DCAF7: variants seen among roughly 807,000 people sequenced by gnomAD.
DCAF7 encodes DDB1 and CUL4 associated factor 7.
Under a neutral mutation model 41.2 loss-of-function variants are expected in DCAF7, and 4 were observed. The observed-to-expected ratio is 0.10, with a 90% CI of 0.05 to 0.22. The LOEUF is 0.22. DCAF7 is among the 10% of genes least tolerant of loss of function. The pLI, the probability that DCAF7 is intolerant of heterozygous loss-of-function variation, is 1.00. For synonymous variants in DCAF7, 143 were observed against 164.2 expected, an observed-to-expected ratio of 0.87 and a Z score of 0.99; for missense variants, 131 against 443.2, an observed-to-expected ratio of 0.30 and a Z score of 6.32.
intron 1 of DCAF7, among the ~76,000 whole-genome samples, chr17:63,555,621 G>A (rs1445594965): frequency 6.6e-6 from 1 of 152,156 alleles, no homozygotes; most frequent in Non-Finnish European, 1.5e-5. Context: ...GTACACATCA[G>A]TACTTTTGAT....
At chr17:63,556,465 A>G (rs1449200386) in intron 1 of DCAF7, among the ~76,000 whole-genome samples, 1 of 152,200 alleles carries the variant, frequency 6.6e-6, no homozygotes, top group African/African-American at 2.4e-5. Context: ...GCTACTTGGG[A>G]GGCTGAGGCA....
At position 63,579,819 on chromosome 17, in the gene DCAF7, T is replaced by C. The variant is rs1446637452; in HGVS notation, c.410-6T>C. On this transcript the variant is annotated splice_polypyrimidine_tract_variant and splice_region_variant and intron_variant, in intron 3 of 6. Transcript: ENST00000614556. ...GTCAGCCCTGACTTGCACTGGTTGT[T>C]TGCAGGTACCTCAAGCATTGATACG... 6.2e-7 allele frequency: 1 copy of C among 1,612,282 alleles called. No individual in the cohort carries two copies. The highest frequency in any genetic ancestry group is 8.5e-7 in the Non-Finnish European group (1 of 1,178,528).
In DCAF7 at chr17:63,585,076, G is replaced by GA. The variant is rs1324623445; in HGVS notation, c.739-132dup. Reference sequence around the variant, plus strand: ...TGTCTTCTTTTCCCTCAATCCTATGGAAATCCTGTCTCTAGTTCTTTAAAT... The same window carrying GA: ...TGTCTTCTTTTCCCTCAATCCTATGGAAAATCCTGTCTCTAGTTCTTTAAAT... On this transcript the variant is annotated intron_variant, in intron 5 of 6. Transcript: ENST00000614556. 12 of 688,560 alleles carry GA rather than the reference G, an allele frequency of 1.7e-5. No homozygotes were observed. The South Asian group carries it at 2.3e-4, about 13-fold the overall frequency. 42.7% of individuals were successfully genotyped at this position (688,560 alleles called of 1,614,324 possible).
chr17:63,550,558 G>T lies in DCAF7; in HGVS notation c.-120G>T. 5 of 1,469,184 alleles carry T rather than the reference G, an allele frequency of 3.4e-6. No individual in the cohort carries two copies. The highest frequency in any genetic ancestry group is 4.5e-6 in the Non-Finnish European group (5 of 1,102,202). The allele number at this position is 1,469,184 out of a possible 1,614,324, so 91.0% of individuals were successfully genotyped here. ...TTTGTCGCCGCATCCCCGCTTCCGG[G>T]TTAGGCCGTTCCTGCCCGCCCCCTC... On this transcript the variant is annotated 5_prime_UTR_variant, in exon 1 of 7. Transcript: ENST00000614556. The surrounding 1 kb of genome is among the most constrained non-coding windows in gnomAD (Gnocchi z 4.8).
intron 1 of DCAF7, among the ~76,000 whole-genome samples, chr17:63,570,699 G>A (rs960668822): frequency 6.6e-6 from 1 of 152,130 alleles, no homozygotes; most frequent in African/African-American, 2.4e-5. Flanking sequence ...GATATATATT[G>A]AGGCATTGTT....
At chr17:63,560,550 T>G (rs1422500800) in intron 1 of DCAF7, among the ~76,000 whole-genome samples, 1 of 152,150 alleles carries the variant, frequency 6.6e-6, no homozygotes, top group Non-Finnish European at 1.5e-5. Flanking sequence ...TAAAAGCATA[T>G]GCATATACAT....
intron 1 of DCAF7, among the ~76,000 whole-genome samples, chr17:63,572,837 AC>A (rs2033521727): frequency 6.6e-6 from 1 of 152,138 alleles, no homozygotes; most frequent in South Asian, 2.1e-4. Flanking sequence ...ATCTCAGCTC[AC>A]TGCAACCTCT....
chr17:63,554,052 A>C (rs1172838031), intron 1 of DCAF7, among the ~76,000 whole-genome samples: 2 of 152,194 alleles, frequency 1.3e-5, no homozygotes, highest in Admixed American at 6.5e-5. Flanking sequence ...AAAACATTAA[A>C]AAATTAGCCA....
chr17:63,566,631 C>T (rs1171156674), intron 1 of DCAF7, among the ~76,000 whole-genome samples: 1 of 152,134 alleles, frequency 6.6e-6, no homozygotes, highest in Non-Finnish European at 1.5e-5. Context: ...AAGCAAATTG[C>T]AGAATACAGC....
chr17:63,566,793 C>T (rs896091998), intron 1 of DCAF7, among the ~76,000 whole-genome samples: 1 of 152,068 alleles, frequency 6.6e-6, no homozygotes, highest in Non-Finnish European at 1.5e-5. Context: ...GTCCCAGCTC[C>T]TTAAGAGGCT....
chr17:63,550,796 T>A lies in DCAF7; in HGVS notation c.119T>A (p.Val40Glu), dbSNP rs2033241157. 1 of 1,613,784 alleles carries A rather than the reference T, an allele frequency of 6.2e-7. No homozygotes were observed. The highest frequency in any genetic ancestry group is 8.5e-7 in the Non-Finnish European group (1 of 1,179,802). ...TTTCGCTTGGCGCTGGGCAGCTTCGTGGAGGAGTACAACAACAAGGTGGGC... is the reference window on the plus strand; with the variant it reads ...TTTCGCTTGGCGCTGGGCAGCTTCGAGGAGGAGTACAACAACAAGGTGGGC... ...KRFRLALGSF[V>E]EEYNNKVQLV... Residue 40 changes from valine to glutamate, a missense_variant, in exon 1 of 7, where the codon GTG becomes GAG. Val to Glu is a moderately radical substitution (Grantham distance 121). Transcript: ENST00000614556. This position sits in a 1 kb window ranked among gnomAD's most constrained non-coding sequence, Gnocchi z 4.8.
chr17:63,569,306 C>T (rs1319931614), intron 1 of DCAF7, among the ~76,000 whole-genome samples: 2 of 151,744 alleles, frequency 1.3e-5, no homozygotes, highest in Non-Finnish European at 2.9e-5. Flanking sequence ...TCTAGGGTGT[C>T]CCCATTTTTG....
At chr17:63,581,642 T>C (rs957689336) in intron 4 of DCAF7, among the ~76,000 whole-genome samples, 5 of 152,116 alleles carry the variant, frequency 3.3e-5, no homozygotes, top group African/African-American at 1.2e-4. Context: ...AAATGCACGC[T>C]GTAGGAATCA....
At chr17:63,576,633 T>G (rs1018104692) in intron 1 of DCAF7, among the ~76,000 whole-genome samples, 2 of 152,016 alleles carry the variant, frequency 1.3e-5, no homozygotes, top group Non-Finnish European at 1.5e-5. Flanking sequence ...ATAAAAAATT[T>G]TTTGGGTGCG....
rs775203003 is a variant in DCAF7, at chr17:63,578,688, A to AGT, written c.297+62_297+63dup. ...GGCTTTCTCAGCCTCAGCTGTTAGC[A>AGT]GTGAAAAGTCACAGAACAGACAGGG... On this transcript the variant is annotated intron_variant, in intron 2 of 6. Coordinates refer to ENST00000614556, the MANE Select transcript of DCAF7 (RefSeq NM_005828.5). 9.1e-5 allele frequency: 146 copies of AGT among 1,609,020 alleles called. 1 individual carries two copies. The highest frequency in any genetic ancestry group is 1.2e-4 in the Non-Finnish European group (145 of 1,176,174).
chr17:63,585,860 G>A (rs1300815829), intron 6 of DCAF7, among the ~76,000 whole-genome samples: 3 of 152,054 alleles, frequency 2.0e-5, no homozygotes, highest in Non-Finnish European at 2.9e-5. Context: ...AGTGGTTCAC[G>A]CCTGTAATCC....
intron 1 of DCAF7, among the ~76,000 whole-genome samples, chr17:63,561,529 G>A (rs1015856852): frequency 2.6e-5 from 4 of 152,072 alleles, no homozygotes; most frequent in Non-Finnish European, 4.4e-5. Flanking sequence ...GATCAGCCTG[G>A]GCAACATGGT....
intron 1 of DCAF7, among the ~76,000 whole-genome samples, chr17:63,552,848 GCA>G (rs2033271828): frequency 6.6e-6 from 1 of 152,148 alleles, no homozygotes; most frequent in Admixed American, 6.5e-5. Flanking sequence ...TTTGTGACAG[GCA>G]CACAGGTAGC....
chr17:63,556,790 C>A (rs2033315999), intron 1 of DCAF7, among the ~76,000 whole-genome samples: 1 of 152,146 alleles, frequency 6.6e-6, no homozygotes, highest in Admixed American at 6.5e-5. Flanking sequence ...TCACTTGAAC[C>A]TGGGAGGCGG....
Sources: gnomAD v4.1 joint callset for allele counts (sites outside exome capture counted in the v4.1 genomes callset) on GRCh38, gnomAD v4.1.1 for gene constraint, Gnocchi (gnomAD v3.1) non-coding constraint, MANE v1.5 for transcripts, NCBI Gene and HGNC (gene_info 2026-07-23, HGNC 2026-07-21) for gene names.